BRD7: variants seen among roughly 807,000 people sequenced by gnomAD.
BRD7 encodes the protein bromodomain-containing protein 7.
A neutral mutation model predicts 82.1 loss-of-function variants in BRD7; 15 were observed. The observed-to-expected ratio is 0.18, with a 90% CI of 0.12 to 0.28. The LOEUF (loss-of-function observed/expected upper bound fraction) is 0.28, where lower values mean the gene tolerates loss of function less well. Ranked by LOEUF, BRD7 falls within the 10% of genes least tolerant of loss-of-function variation. The pLI, the probability that BRD7 is intolerant of heterozygous loss-of-function variation, is 1.00. For missense variants in BRD7, 638 were observed against 779.9 expected, an observed-to-expected ratio of 0.82 and a Z score of 2.17; for synonymous variants, 232 against 266.9, an observed-to-expected ratio of 0.87 and a Z score of 1.27.
At chr16:50,366,036 G>C (rs2039130576) in intron 2 of BRD7, among the ~76,000 whole-genome samples, 2 of 152,174 alleles carry the variant, frequency 1.3e-5, no homozygotes, top group Admixed American at 6.5e-5. Flanking sequence ...AAAGGACTAA[G>C]AATCAGAATG....
chr16:50,331,029 C>G (rs1394925612), intron 8 of BRD7, among the ~76,000 whole-genome samples: 1 of 151,748 alleles, frequency 6.6e-6, no homozygotes, highest in African/African-American at 2.4e-5. Flanking sequence ...TTCTATAAAC[C>G]AATAATGTTC....
At chr16:50,340,288 T>C (rs537723153) in intron 5 of BRD7, among the ~76,000 whole-genome samples, 5 of 152,336 alleles carry the variant, frequency 3.3e-5, no homozygotes, top group African/African-American at 1.2e-4. Flanking sequence ...AAATATGCTA[T>C]ATTATTTCCC....
rs1483138018 is a variant in BRD7, at chr16:50,368,748, C to G, written c.27G>C (p.Lys9Asn). MGKKHKKH[K>N]SDKHLYEEYV... is the part of the protein sequence containing the mutation. The stretch of plus-strand genomic sequence containing the variant: ...CACCCTCGTAGAGGTGTTTGTCCGA[C>G]TTGTGCTTCTTGTGCTTCTTGCCCA... The change falls in exon 1 of 17, where the codon AAG becomes AAC. Residue 9 changes from lysine (K) to asparagine (N), a missense_variant. Lys to Asn is a moderately conservative substitution (Grantham distance 94). Around this residue, in one of 3 missense-constraint regions of BRD7, gnomAD observed 172 missense variants for 155.3 expected, o/e 1.11. Coordinates refer to ENST00000394688, the MANE Select transcript of BRD7 (RefSeq NM_013263.5). 1 of 1,551,256 alleles carries G rather than the reference C, an allele frequency of 6.4e-7. No homozygotes were observed. Among genetic ancestry groups the G allele is most frequent in the Non-Finnish European group, 8.7e-7 (1 of 1,150,342 alleles).
Position 50,337,726 on chromosome 16 carries a change from G to A in BRD7, c.702+2250C>T, listed in dbSNP as rs965740383. 3.9e-5 allele frequency among the ~76,000 whole-genome samples: 6 copies of A among 152,130 alleles called. No individual in the cohort carries two copies. In the South Asian group the frequency reaches 6.2e-4, roughly 16 times the overall value. On this transcript the variant is annotated intron_variant, in intron 6 of 16. Transcript: ENST00000394688. ...GAAGGGTGTGCTGGGCTCTCTTGGA[G>A]CACAAACTATTAGAAGAGTTAACTC...
chr16:50,356,177 G>T (rs2038724026), intron 2 of BRD7, among the ~76,000 whole-genome samples: 1 of 152,146 alleles, frequency 6.6e-6, no homozygotes, highest in African/African-American at 2.4e-5. Context: ...GTAGAGAAAT[G>T]GGATTTTCAT....
At chr16:50,321,285 G>C (rs1215592026) in intron 13 of BRD7, among the ~76,000 whole-genome samples, 3 of 152,232 alleles carry the variant, frequency 2.0e-5, no homozygotes, top group Non-Finnish European at 4.4e-5. Context: ...AGTTGGCCTG[G>C]CGCAGTGGCT....
chr16:50,335,242 G>T (rs1421332329), intron 6 of BRD7, among the ~76,000 whole-genome samples: 1 of 152,216 alleles, frequency 6.6e-6, no homozygotes, highest in Non-Finnish European at 1.5e-5. Flanking sequence ...GTGTTTAACA[G>T]ACAGGCTTAT....
At chr16:50,363,161 T>C (rs1196009097) in intron 2 of BRD7, among the ~76,000 whole-genome samples, 2 of 152,370 alleles carry the variant, frequency 1.3e-5, no homozygotes, top group East Asian at 3.9e-4. Flanking sequence ...TCTGTAATTT[T>C]TATAAATCAT....
chr16:50,323,983 C>T (rs113532277), intron 11 of BRD7, among the ~76,000 whole-genome samples: 179 of 152,268 alleles, frequency 1.2e-3, no homozygotes, highest in African/African-American at 4.0e-3. Flanking sequence ...TTCCTGTCTG[C>T]AGTGATCACC....
intron 1 of BRD7, 95 bp downstream of exon 1, chr16:50,368,631 G>A (rs2039250018): frequency 1.5e-6 from 2 of 1,347,142 alleles, no homozygotes; most frequent in Non-Finnish European, 2.0e-6. Context: ...CCGTGGGAAG[G>A]AAGGGCCCCG....
chr16:50,363,668 C>T (rs113870582), intron 2 of BRD7, among the ~76,000 whole-genome samples: 2,161 of 53,902 alleles, frequency 0.04, 43 homozygotes, highest in African/African-American at 0.069. Flanking sequence ...TGTGCGCGCG[C>T]GCGCGTGCGC....
At position 50,368,931 on chromosome 16, in the gene BRD7, T is replaced by C. The variant is rs2039270909; in HGVS notation, c.-157A>G. 2 of 225,424 alleles carry C rather than the reference T, an allele frequency of 8.9e-6. No individual in the cohort carries two copies. The highest frequency in any genetic ancestry group is 1.4e-5 in the Non-Finnish European group (2 of 138,996). The allele number at this position is 225,424 out of a possible 1,614,324, so 14.0% of individuals were successfully genotyped here. On this transcript the variant is annotated 5_prime_UTR_variant, in exon 1 of 17. Coordinates refer to ENST00000394688, the MANE Select transcript of BRD7 (RefSeq NM_013263.5). ...CGCGCGCCGGGCGGCGCGATGCCCC[T>C]CTCGAGAAGACGGCGCGCGAGACCC... is the stretch of plus-strand genomic sequence containing the variant.
chr16:50,323,510 A>AG, intron 12 of BRD7, 77 bp downstream of exon 12: 4 of 1,221,628 alleles, frequency 3.3e-6, no homozygotes, highest in Non-Finnish European at 4.8e-6. Flanking sequence ...TGTTAATCCC[A>AG]TGGTTTCATT....
At chr16:50,343,068 TCA>T (rs925630639) in intron 5 of BRD7, among the ~76,000 whole-genome samples, 2 of 152,228 alleles carry the variant, frequency 1.3e-5, no homozygotes, top group African/African-American at 4.8e-5. Flanking sequence ...CAAAATGAAC[TCA>T]GAGAGCAATT....
At chr16:50,330,264 C>A (rs946184862) in intron 8 of BRD7, among the ~76,000 whole-genome samples, 1 of 151,972 alleles carries the variant, frequency 6.6e-6, no homozygotes, top group Non-Finnish European at 1.5e-5. Context: ...GCTTTCTTGG[C>A]CCTGTTCCTT....
intron 6 of BRD7, among the ~76,000 whole-genome samples, chr16:50,338,227 T>A (rs1355715420): frequency 6.6e-6 from 1 of 152,218 alleles, no homozygotes; most frequent in African/African-American, 2.4e-5. Context: ...AAAGAATGGG[T>A]AAACATTTCA....
Position 50,367,713 on chromosome 16 carries a change from G to A in BRD7, c.258+377C>T, listed in dbSNP as rs145612775. 6.4e-4 allele frequency among the ~76,000 whole-genome samples: 98 copies of A among 152,284 alleles called. 1 individual carries two copies. The East Asian group carries it at 0.016, about 25-fold the overall frequency. Reference sequence around the variant, plus strand: ...ATTTGGCATTATAATATTTATTTCAGAACAAACTTTAAACCCCAGTAGATC... The same window carrying A: ...ATTTGGCATTATAATATTTATTTCAAAACAAACTTTAAACCCCAGTAGATC... On this transcript the variant is annotated intron_variant, in intron 2 of 16. Coordinates refer to ENST00000394688, the MANE Select transcript of BRD7 (RefSeq NM_013263.5).
intron 8 of BRD7, among the ~76,000 whole-genome samples, chr16:50,333,075 C>A (rs1220552940): frequency 2.0e-5 from 3 of 152,144 alleles, no homozygotes; most frequent in African/African-American, 7.2e-5. Context: ...AAGCTCAAAT[C>A]TCAGCATCAT....
At chr16:50,320,195 G>GT (rs946948332) in intron 15 of BRD7, 53 bp downstream of exon 15, 36 of 1,571,510 alleles carry the variant, frequency 2.3e-5, no homozygotes, top group African/African-American at 8.2e-5. Context: ...TACTCAAGAA[G>GT]TTTTTTCTTT....
Sources: gnomAD v4.1 joint callset for allele counts (sites outside exome capture counted in the v4.1 genomes callset) on GRCh38, gnomAD v4.1.1 for gene constraint, gnomAD v4.1.1 regional missense constraint, MANE v1.5 for transcripts, NCBI Gene and HGNC (gene_info 2026-07-23, HGNC 2026-07-21) for gene names.